Variants in UBE2V1 observed in about 807,000 individuals in gnomAD.
UBE2V1 encodes ubiquitin-conjugating enzyme E2 variant 1.
A neutral mutation model predicts 19.6 loss-of-function variants in UBE2V1; 15 were observed. The observed-to-expected ratio is 0.77, with a 90% CI of 0.51 to 1.18. The LOEUF (loss-of-function observed/expected upper bound fraction) is 1.18. UBE2V1 is among the 50% of genes most tolerant of loss of function. The probability of loss-of-function intolerance (pLI) is 0.00; values close to 1 mark genes in which losing one functional copy is unlikely to be tolerated. For missense variants in UBE2V1, 125 were observed against 184.8 expected, an observed-to-expected ratio of 0.68 and a Z score of 1.88; for synonymous variants, 60 against 60.7, an observed-to-expected ratio of 0.99 and a Z score of 0.05.
chr20:50,105,930 AC>A (rs2080326286), intron 1 of UBE2V1, among the ~76,000 whole-genome samples: 1 of 151,842 alleles, frequency 6.6e-6, no homozygotes, highest in East Asian at 1.9e-4. Flanking sequence ...GTCAAAAAAA[AC>A]AAAAAACAAA....
chr20:50,082,747 G>T lies in UBE2V1; in HGVS notation c.*21C>A, dbSNP rs200602780. Reference sequence around the variant, plus strand: ...AATCGAATTGGGGGGAAGGGGAAGGGCCTGTGGTTTTTCTTTTTGATTAAT... The same window carrying T: ...AATCGAATTGGGGGGAAGGGGAAGGTCCTGTGGTTTTTCTTTTTGATTAAT... On this transcript the variant is annotated 3_prime_UTR_variant, in exon 4 of 4. Transcript: ENST00000371674. The T allele has an allele frequency of 8.7e-6, 14 of 1,606,054 alleles. No homozygotes were observed. The highest frequency in any genetic ancestry group is 1.2e-5 in the Non-Finnish European group (14 of 1,179,440).
In UBE2V1 at chr20:50,111,423, C is replaced by T. The variant is rs1195799358; in HGVS notation, c.22+1684G>A. On this transcript the variant is annotated intron_variant, in intron 1 of 3. Transcript: ENST00000371674. The stretch of plus-strand genomic sequence containing the variant: ...TGCTGGCTACCACCAGCACACTGGG[C>T]CCCTTCGTTTATTACGACCCGGTAG... 4.0e-6 allele frequency: 4 copies of T among 1,000,342 alleles called. No individual in the cohort carries two copies. The South Asian group carries it at 1.4e-4, about 35-fold the overall frequency. The allele number at this position is 1,000,342 out of a possible 1,614,324, so 62.0% of individuals were successfully genotyped here. A position where few individuals can be genotyped will look rare whatever the true frequency, so the allele number is the denominator to read the frequency against.
Position 50,084,255 on chromosome 20 carries a change from C to G in UBE2V1, c.172-1G>C. The G allele has an allele frequency of 6.2e-7, 1 of 1,609,480 alleles. No homozygotes were observed. Among genetic ancestry groups the G allele is most frequent in the Non-Finnish European group, 8.5e-7 (1 of 1,176,640 alleles). ...TGTATATTCGGTTTTCATAAATTGT[C>G]TGGAAAAAAAGAGTACGGAGATGTC... is the stretch of plus-strand genomic sequence containing the variant. On this transcript the variant is annotated splice_acceptor_variant, in intron 2 of 3. Transcript: ENST00000371674. LOFTEE classifies it high-confidence loss of function.
At chr20:50,088,401 C>T (rs541520212) in intron 2 of UBE2V1, among the ~76,000 whole-genome samples, 39 of 152,264 alleles carry the variant, frequency 2.6e-4, no homozygotes, top group African/African-American at 9.1e-4. Flanking sequence ...ACATAAGATG[C>T]TAGCAACAGG....
chr20:50,087,826 C>G (rs541115938), intron 2 of UBE2V1, among the ~76,000 whole-genome samples: 1 of 152,074 alleles, frequency 6.6e-6, no homozygotes, highest in Non-Finnish European at 1.5e-5. Flanking sequence ...ATTCATATAA[C>G]CCGGAGACTT....
At chr20:50,100,330 G>A (rs2079908299) in intron 1 of UBE2V1, among the ~76,000 whole-genome samples, 1 of 150,476 alleles carries the variant, frequency 6.6e-6, no homozygotes, top group African/African-American at 2.4e-5. Flanking sequence ...GCTCACACCT[G>A]TAATTCCAGC....
rs554845081 is a variant in UBE2V1, at chr20:50,095,268, TGAA to T, written c.171+1401_171+1403del. On this transcript the variant is annotated intron_variant, in intron 2 of 3. Coordinates refer to ENST00000371674, the MANE Select transcript of UBE2V1 (RefSeq NM_001032288.3). Reference sequence around the variant, plus strand: ...ATTCTTAGGAAGAGAAGACATGCAGTGAAGAAGATGTCAGCATATGATGGACCT... The same window carrying T: ...ATTCTTAGGAAGAGAAGACATGCAGTGAAGATGTCAGCATATGATGGACCT... 8.5e-5 allele frequency: 13 copies of T among 152,300 alleles called. No homozygotes were observed. In the East Asian group the frequency reaches 1.5e-3, roughly 18 times the overall value. The allele number at this position is 152,300 out of a possible 1,614,324, so 9.4% of individuals were successfully genotyped here. A position where few individuals can be genotyped will look rare whatever the true frequency, so the allele number is the denominator to read the frequency against.
At chr20:50,096,919 C>T (rs2079660839) in intron 1 of UBE2V1, 99 bp from the exon 2 acceptor site, 15 of 1,539,938 alleles carry the variant, frequency 9.7e-6, no homozygotes, top group Non-Finnish European at 1.3e-5. Flanking sequence ...AATCAAGATG[C>T]TAACATGCAA....
intron 1 of UBE2V1, among the ~76,000 whole-genome samples, chr20:50,100,568 G>A (rs986445658): frequency 1.3e-5 from 2 of 151,554 alleles, no homozygotes; most frequent in Non-Finnish European, 2.9e-5. Context: ...CTGAGTGACA[G>A]AGCAAGACTC....
rs556855696 is a variant in UBE2V1, at chr20:50,102,509, G to A, written c.23-5689C>T. On this transcript the variant is annotated intron_variant, in intron 1 of 3. Coordinates refer to ENST00000371674, the MANE Select transcript of UBE2V1 (RefSeq NM_001032288.3). ...CTACCACTCTGTTTTTAAAAGACAG[G>A]TCAGAGTAATGGATATATTACCTCC... Among the ~76,000 whole-genome samples the A allele has an allele frequency of 8.5e-4, 129 of 152,214 alleles. 1 individual carries two copies. Among genetic ancestry groups the A allele is most frequent in the Middle Eastern group, 3.4e-3 (1 of 294 alleles).
upstream of UBE2V1, among the ~76,000 whole-genome samples, chr20:50,113,783 A>ATTCGTTCATTCG (rs369070132): frequency 4.3e-3 from 586 of 137,258 alleles, 20 homozygotes; most frequent in Admixed American, 0.038. Context: ...TCATTCATTC[A>ATTCGTTCATTCG]TTCATTCATT....
At chr20:50,101,803 TA>T (rs1448971157) in intron 1 of UBE2V1, among the ~76,000 whole-genome samples, 1 of 152,106 alleles carries the variant, frequency 6.6e-6, no homozygotes, top group Non-Finnish European at 1.5e-5. Context: ...TAACACAGTC[TA>T]AGGTGTCAGT....
intron 1 of UBE2V1, among the ~76,000 whole-genome samples, chr20:50,099,654 G>A (rs6020261): frequency 0.041 from 6,180 of 152,178 alleles, 417 homozygotes; most frequent in African/African-American, 0.14. Flanking sequence ...CTTCCCCTAG[G>A]AATCCATAAG....
At chr20:50,089,850 AAGT>A (rs2079122369) in intron 2 of UBE2V1, among the ~76,000 whole-genome samples, 1 of 152,218 alleles carries the variant, frequency 6.6e-6, no homozygotes, top group Non-Finnish European at 1.5e-5. Flanking sequence ...AGAAAATAAA[AAGT>A]AGGAGGCATT....
chr20:50,108,387 G>A (rs1391002214), intron 1 of UBE2V1, among the ~76,000 whole-genome samples: 1 of 152,176 alleles, frequency 6.6e-6, no homozygotes, highest in African/African-American at 2.4e-5. Context: ...AAGCTAATCA[G>A]CCAAGGCAGA....
intron 1 of UBE2V1, among the ~76,000 whole-genome samples, chr20:50,105,466 T>C (rs1328871521): frequency 6.6e-6 from 1 of 152,192 alleles, no homozygotes; most frequent in African/African-American, 2.4e-5. Flanking sequence ...TAAACGTACA[T>C]ATGCCAAAGA....
At chr20:50,113,034 G>A (rs2080872059) in intron 1 of UBE2V1, 73 bp downstream of exon 1, 2 of 636,028 alleles carry the variant, frequency 3.1e-6, no homozygotes, top group Admixed American at 4.3e-5. Context: ...CGCTGCAGGA[G>A]GCTTTGAGGG....
In UBE2V1 at chr20:50,113,122, C is replaced by G; in HGVS notation, c.7G>C (p.Ala3Pro). ...CCCCGCTCACCCGAGCCCGTGGTGG[C>G]TGCCATCTTGCGTCGCTCTTGCTTG... MA[A>P]TTGSGVKVPR... Residue 3 changes from alanine to proline, a missense_variant, in exon 1 of 4, where the codon GCC (alanine) becomes CCC (proline). Ala to Pro is a conservative substitution (Grantham distance 27, BLOSUM62 -1). This residue lies in a region of UBE2V1 where 28 missense variants were observed against 22.5 expected (regional missense o/e 1.25). Coordinates refer to ENST00000371674, the MANE Select transcript of UBE2V1 (RefSeq NM_001032288.3). 7.3e-7 allele frequency: 1 copy of G among 1,371,320 alleles called. No homozygotes were observed. Among genetic ancestry groups the G allele is most frequent in the South Asian group, 1.8e-5 (1 of 56,756 alleles). 84.9% of individuals were successfully genotyped at this position (1,371,320 alleles called of 1,614,324 possible).
intron 2 of UBE2V1, 200 bp from the exon 3 acceptor site, chr20:50,084,454 A>G (rs2078793271): frequency 2.2e-6 from 2 of 923,356 alleles, no homozygotes; most frequent in Non-Finnish European, 3.4e-6. Flanking sequence ...TTGGGGGAAT[A>G]CAAAGAAGAT....
Sources: gnomAD v4.1 joint callset for allele counts (sites outside exome capture counted in the v4.1 genomes callset) on GRCh38, gnomAD v4.1.1 for gene constraint, gnomAD v4.1.1 regional missense constraint, MANE v1.5 for transcripts, NCBI Gene and HGNC (gene_info 2026-07-23, HGNC 2026-07-21) for gene names.